The following CLCA2 variants were observed in gnomAD, a reference collection of about 807,000 sequenced individuals.
CLCA2 encodes the protein calcium-activated chloride channel regulator 2.
CLCA2 carries 85 observed loss-of-function variants against 82.9 expected under a neutral mutation model. That is an observed-to-expected ratio of 1.03 (90% CI 0.86 to 1.23). The LOEUF is 1.23. Ranked by LOEUF, CLCA2 falls within the 50% of genes most tolerant of loss-of-function variation. The probability of loss-of-function intolerance (pLI) is 0.00; values close to 1 mark genes in which losing one functional copy is unlikely to be tolerated. For missense variants in CLCA2, 1,089 were observed against 1,124.8 expected (o/e 0.97, Z 0.45); for synonymous variants, 421 against 391.7 (o/e 1.07, Z -0.88).
intron 12 of CLCA2, among the ~76,000 whole-genome samples, chr1:86,451,261 A>G (rs1029782452): frequency 2.6e-5 from 4 of 152,222 alleles, no homozygotes; most frequent in African/African-American, 9.6e-5. Flanking sequence ...TTATCTTTTT[A>G]ACACCATTAT....
At chr1:86,440,545 T>C (rs2101702440) in intron 8 of CLCA2, among the ~76,000 whole-genome samples, 1 of 152,318 alleles carries the variant, frequency 6.6e-6, no homozygotes, top group East Asian at 1.9e-4. Context: ...TAATATTTTA[T>C]AATTCTGTGT....
chr1:86,453,487 C>A lies in CLCA2; in HGVS notation c.2274C>A (p.Gly758=), dbSNP rs1214784521. 1.2e-6 allele frequency: 2 copies of A among 1,614,072 alleles called. No homozygotes were observed. The highest frequency in any genetic ancestry group is 1.1e-5 in the South Asian group (1 of 91,068). The change falls in exon 13 of 14, where the codon GGC becomes GGA. Residue 758 remains glycine (G), a synonymous_variant. Coordinates refer to ENST00000370565, the MANE Select transcript of CLCA2 (RefSeq NM_006536.7). ...GSFSVLGVPA[G]PHPDVFPPCK... ...TTTCAGTGCTGGGAGTTCCAGCTGG[C>A]CCCCACCCTGATGTGTTTCCACCAT...
rs372081873 is a variant in CLCA2, at chr1:86,439,038, T to C, written c.1135T>C (p.Tyr379His). The change falls in exon 7 of 14, where the codon TAT becomes CAT. Residue 379 changes from tyrosine to histidine, a missense_variant. Coordinates refer to ENST00000370565, the MANE Select transcript of CLCA2 (RefSeq NM_006536.7). ...TGATGATCGAAAGTTGCTGGTTTCA[T>C]ATCTGCCCACCACTGTATCAGCTAA... ...SNDDRKLLVS[Y>H]LPTTVSAKTD... is the part of the protein sequence containing the mutation. 9 of 1,614,046 alleles carry C rather than the reference T, an allele frequency of 5.6e-6. No individual in the cohort carries two copies. The African/African-American group carries it at 1.1e-4, about 19-fold the overall frequency.
chr1:86,427,969 G>A (rs1662421640), intron 2 of CLCA2, among the ~76,000 whole-genome samples: 2 of 152,128 alleles, frequency 1.3e-5, no homozygotes, highest in Admixed American at 1.3e-4. Context: ...ACAGAAAGTT[G>A]TTCACAAAAG....
At position 86,440,150 on chromosome 1, in the gene CLCA2, G is replaced by T. The variant is rs757965959; in HGVS notation, c.1206G>T (p.Val402=). ...AGTGACTAATTCTCTATGTTCAGGT[G>T]GTTGAAAAACTGAATGGAAAAGCTT... ...ICSGLKKGFE[V]VEKLNGKAYG... The change falls in exon 8 of 14, where the codon GTG becomes GTT. Residue 402 remains valine (V), a splice_region_variant and synonymous_variant. Transcript: ENST00000370565. 1.2e-6 allele frequency: 2 copies of T among 1,613,586 alleles called. No homozygotes were observed. Among genetic ancestry groups the T allele is most frequent in the Non-Finnish European group, 1.7e-6 (2 of 1,179,762 alleles).
At chr1:86,447,030 G>A (rs752528921) in intron 10 of CLCA2, among the ~76,000 whole-genome samples, 6 of 152,104 alleles carry the variant, frequency 3.9e-5, no homozygotes, top group Non-Finnish European at 8.8e-5. Flanking sequence ...TTTGGGAAGT[G>A]GAGTGAAAGA....
intron 10 of CLCA2, among the ~76,000 whole-genome samples, chr1:86,446,885 G>C (rs1290526580): frequency 6.6e-6 from 1 of 152,158 alleles, no homozygotes; most frequent in Non-Finnish European, 1.5e-5. Context: ...GGCAAGAGTA[G>C]TGTTTAGCAG....
At chr1:86,443,658 A>G (rs1662783762) in intron 9 of CLCA2, 129 bp from the exon 10 acceptor site, 1 of 674,172 alleles carries the variant, frequency 1.5e-6, no homozygotes, top group Admixed American at 3.4e-5. Context: ...AAAATGATGT[A>G]TAACTACAGT....
intron 6 of CLCA2, among the ~76,000 whole-genome samples, chr1:86,435,468 T>G (rs1662588878): frequency 6.6e-6 from 1 of 152,238 alleles, no homozygotes; most frequent in African/African-American, 2.4e-5. Flanking sequence ...ATTTTCCATG[T>G]CATTGTGTAC....
At chr1:86,430,106 G>GA (rs76800564) in intron 3 of CLCA2, among the ~76,000 whole-genome samples, 43,110 of 151,808 alleles carry the variant, frequency 0.28, 6,646 homozygotes, top group Non-Finnish European at 0.34. Context: ...AAATAATTCA[G>GA]AAAAAAGAAA....
rs373561035 is a variant in CLCA2 at position 86,447,915 on chromosome 1, T to G, written c.1984+137T>G. ...TAATCTTACAATATTCTCAAATTCTTATAGAGTCACTGATATACTGAATAG... is the reference window on the plus strand; with the variant it reads ...TAATCTTACAATATTCTCAAATTCTGATAGAGTCACTGATATACTGAATAG... On this transcript the variant is annotated intron_variant, in intron 11 of 13. Coordinates refer to ENST00000370565, the MANE Select transcript of CLCA2 (RefSeq NM_006536.7). 4.4e-5 allele frequency: 39 copies of G among 892,270 alleles called. No individual in the cohort carries two copies. In the South Asian group the frequency reaches 6.8e-4, roughly 16 times the overall value. 55.3% of individuals were successfully genotyped at this position (892,270 alleles called of 1,614,324 possible). A position where few individuals can be genotyped will look rare whatever the true frequency, so the allele number is the denominator to read the frequency against.
At position 86,439,123 on chromosome 1, in the gene CLCA2, T is replaced by C; in HGVS notation, c.1203+17T>C. ...GGATTTGAGGTACAGTAGAGCATCC[T>C]AAGCCTTGGATCACCATCATTTTCC... On this transcript the variant is annotated intron_variant, in intron 7 of 13. Transcript: ENST00000370565. The C allele has an allele frequency of 6.2e-7, 1 of 1,605,616 alleles. No homozygotes were observed.
intron 3 of CLCA2, among the ~76,000 whole-genome samples, chr1:86,430,660 C>T (rs548298335): frequency 3.3e-5 from 5 of 152,112 alleles, no homozygotes; most frequent in Non-Finnish European, 7.4e-5. Flanking sequence ...TTTCATGCTG[C>T]CTTTTTTATG....
chr1:86,450,806 G>C (rs1410893167), intron 12 of CLCA2, 73 bp downstream of exon 12: 1 of 1,291,590 alleles, frequency 7.7e-7, no homozygotes, highest in East Asian at 2.6e-5. Context: ...TGTGTGTACT[G>C]GGGTGGCAGG....
rs1189534223 is a variant in CLCA2 at position 86,447,530 on chromosome 1, T to C, written c.1736T>C (p.Leu579Pro). The change falls in exon 11 of 14, where the codon CTG (leucine) becomes CCG (proline). Residue 579 changes from leucine (L) to proline (P), a missense_variant. Physicochemically the swap from Leu to Pro is moderately conservative, Grantham distance 98. Coordinates refer to ENST00000370565, the MANE Select transcript of CLCA2 (RefSeq NM_006536.7). ...TAKPGHWTYT[L>P]NNTHHSLQAL... ...CAGCCTGGGCACTGGACTTACACCC[T>C]GAACAATACCCATCATTCTCTGCAA... is the stretch of plus-strand genomic sequence containing the variant. 1 of 1,613,996 alleles carries C rather than the reference T, an allele frequency of 6.2e-7. No individual in the cohort carries two copies. Among genetic ancestry groups the C allele is most frequent in the East Asian group, 2.2e-5 (1 of 44,886 alleles).
At chr1:86,443,095 C>T (rs1309378405) in intron 9 of CLCA2, among the ~76,000 whole-genome samples, 1 of 151,688 alleles carries the variant, frequency 6.6e-6, no homozygotes, top group African/African-American at 2.4e-5. Flanking sequence ...GGCGCGATCT[C>T]AGCTCACTGC....
In CLCA2 at chr1:86,425,488, G is replaced by A; in HGVS notation, c.324+12G>A. ...AATCATATGAAAAGGTAAGAATCCAGGATTTCATTCAATGATCTCAAGGGG... is the reference window on the plus strand; with the variant it reads ...AATCATATGAAAAGGTAAGAATCCAAGATTTCATTCAATGATCTCAAGGGG... On this transcript the variant is annotated intron_variant, in intron 2 of 13. Coordinates refer to ENST00000370565, the MANE Select transcript of CLCA2 (RefSeq NM_006536.7). 4 of 1,511,332 alleles carry A rather than the reference G, an allele frequency of 2.6e-6. No individual in the cohort carries two copies. The highest frequency in any genetic ancestry group is 2.1e-5 in the Admixed American group (1 of 47,512). The allele number at this position is 1,511,332 out of a possible 1,614,324, so 93.6% of individuals were successfully genotyped here.
Position 86,453,268 on chromosome 1 carries a change from TA to T in CLCA2, c.2156-98del, listed in dbSNP as rs1663009766. 21 of 758,934 alleles carry T rather than the reference TA, an allele frequency of 2.8e-5. No individual in the cohort carries two copies. In the South Asian group the frequency reaches 3.8e-4, roughly 14 times the overall value. 47.0% of individuals were successfully genotyped at this position (758,934 alleles called of 1,614,324 possible). A position where few individuals can be genotyped will look rare whatever the true frequency, so the allele number is the denominator to read the frequency against. ...ACACTCAGTTATTCTAGAGATGTAGTAAAGAAAAAAAGGTTTAAGAAAGTCT... is the reference window on the plus strand; with the variant it reads ...ACACTCAGTTATTCTAGAGATGTAGTAAGAAAAAAAGGTTTAAGAAAGTCT... On this transcript the variant is annotated intron_variant, in intron 12 of 13. Transcript: ENST00000370565.
chr1:86,438,514 C>A (rs888535463), intron 6 of CLCA2, among the ~76,000 whole-genome samples: 17 of 152,164 alleles, frequency 1.1e-4, no homozygotes, highest in African/African-American at 4.1e-4. Flanking sequence ...GCAATGTTTT[C>A]TTTTACCTGG....
Sources: allele counts gnomAD v4.1 joint callset (sites outside exome capture counted in the v4.1 genomes callset), GRCh38; gene constraint gnomAD v4.1.1; transcripts MANE v1.5; gene names NCBI Gene and HGNC (gene_info 2026-07-23, HGNC 2026-07-21).